The following DPP10 variants were observed in gnomAD, a reference collection of about 807,000 sequenced individuals.
DPP10 encodes dipeptidyl peptidase like 10.
In DPP10, 33 loss-of-function variants were observed where a neutral mutation model predicts 120.9. That is an observed-to-expected ratio of 0.27 (90% CI 0.21 to 0.37). The LOEUF (loss-of-function observed/expected upper bound fraction) is 0.37. Among genes scored for constraint, DPP10 ranks in the 10% least tolerant of loss-of-function variants. The probability of loss-of-function intolerance (pLI) is 1.00; values close to 1 mark genes in which losing one functional copy is unlikely to be tolerated. For missense variants in DPP10, 816 were observed against 942.8 expected (o/e 0.87, Z 1.76); for synonymous variants, 337 against 326.1 (o/e 1.03, Z -0.36).
At chr2:115,522,362 G>A (rs991037557) in intron 4 of DPP10, among the ~76,000 whole-genome samples, 2 of 152,152 alleles carry the variant, frequency 1.3e-5, no homozygotes, top group Admixed American at 6.5e-5. Context: ...AATATGGAAA[G>A]GGAAACATCC....
intron 1 of DPP10, among the ~76,000 whole-genome samples, chr2:115,001,078 C>G (rs938583554): frequency 6.6e-6 from 1 of 152,130 alleles, no homozygotes; most frequent in African/African-American, 2.4e-5. Flanking sequence ...TTGTTTTACT[C>G]TACCTGTAAC....
chr2:114,975,272 T>C (rs1699677534), intron 1 of DPP10, among the ~76,000 whole-genome samples: 1 of 151,972 alleles, frequency 6.6e-6, no homozygotes, highest in Non-Finnish European at 1.5e-5. Context: ...TCTCAATCTC[T>C]TGACCTCATG....
chr2:115,700,803 C>A (rs1463655379), intron 7 of DPP10, among the ~76,000 whole-genome samples: 1 of 151,846 alleles, frequency 6.6e-6, no homozygotes. Context: ...TAACTGTGGG[C>A]AATCTGAAAG....
At chr2:115,707,050 A>G (rs763237390) in intron 7 of DPP10, among the ~76,000 whole-genome samples, 1 of 152,018 alleles carries the variant, frequency 6.6e-6, no homozygotes, top group Non-Finnish European at 1.5e-5. Context: ...TCTCAACGGA[A>G]CATAGAGTAA....
At chr2:115,413,293 G>T (rs534888571) in intron 3 of DPP10, among the ~76,000 whole-genome samples, 343 of 152,278 alleles carry the variant, frequency 2.3e-3, no homozygotes, top group African/African-American at 7.7e-3. Flanking sequence ...TTCCTAAGGT[G>T]TTGAAACGTA....
chr2:115,424,141 T>G (rs920473635), intron 3 of DPP10, among the ~76,000 whole-genome samples: 1 of 152,084 alleles, frequency 6.6e-6, no homozygotes, highest in African/African-American at 2.4e-5. Flanking sequence ...GAAATACCCC[T>G]TACAAAGACA....
intron 3 of DPP10, among the ~76,000 whole-genome samples, chr2:115,487,283 C>T (rs1033527843): frequency 7.7e-6 from 1 of 129,652 alleles, no homozygotes; most frequent in African/African-American, 3.0e-5. Flanking sequence ...GAATCAATAT[C>T]GTGAAAATGG....
chr2:115,334,230 G>GGTTTTTTTTTTT (rs1553554643), intron 2 of DPP10, among the ~76,000 whole-genome samples: 2 of 56,412 alleles, frequency 3.5e-5, no homozygotes, highest in African/African-American at 9.8e-5. Context: ...AGCAGACTCT[G>GGTTTTTTTTTTT]TTTTTTTTTT....
intron 1 of DPP10, among the ~76,000 whole-genome samples, chr2:114,935,845 T>C (rs1696419375): frequency 6.7e-6 from 1 of 149,460 alleles, no homozygotes. Flanking sequence ...GGCTGCACAT[T>C]AAACTAAAAA....
In DPP10 at chr2:115,443,011, G is replaced by A. The variant is rs192320510; in HGVS notation, c.272-56499G>A. On this transcript the variant is annotated intron_variant, in intron 3 of 25. Transcript: ENST00000410059. ...ATTGGTCTATATTGCAAAACATTTT[G>A]CACATTTGTACTTTTTAAAGTTTCT... Among the ~76,000 whole-genome samples the A allele has an allele frequency of 9.2e-5, 14 of 152,186 alleles. No individual in the cohort carries two copies. The East Asian group carries it at 2.7e-3, about 29-fold the overall frequency.
chr2:115,548,080 A>G (rs2079623082), intron 5 of DPP10, among the ~76,000 whole-genome samples: 1 of 152,218 alleles, frequency 6.6e-6, no homozygotes, highest in Admixed American at 6.5e-5. Flanking sequence ...ACAAAATTAT[A>G]AGGCAAGCTC....
intron 4 of DPP10, among the ~76,000 whole-genome samples, chr2:115,513,194 C>A (rs1319360354): frequency 1.3e-5 from 2 of 151,752 alleles, no homozygotes; most frequent in Non-Finnish European, 1.5e-5. Context: ...GTTAGTGAAA[C>A]CATTCTATCC....
chr2:115,249,595 A>G (rs1356647063), intron 1 of DPP10, among the ~76,000 whole-genome samples: 1 of 152,186 alleles, frequency 6.6e-6, no homozygotes, highest in Non-Finnish European at 1.5e-5. Flanking sequence ...CTTTAAAACA[A>G]CTTGTTAAAT....
At chr2:114,836,319 C>T (rs1000219052) in intron 1 of DPP10, among the ~76,000 whole-genome samples, 14 of 152,052 alleles carry the variant, frequency 9.2e-5, no homozygotes, top group African/African-American at 3.1e-4. Context: ...CATGTAGGTT[C>T]TTTTCTGTTT....
chr2:115,609,481 C>G (rs2083941732), intron 5 of DPP10, among the ~76,000 whole-genome samples: 1 of 151,804 alleles, frequency 6.6e-6, no homozygotes, highest in Admixed American at 6.6e-5. Flanking sequence ...TTTAGCAGTC[C>G]CAGAGAGTAA....
intron 1 of DPP10, among the ~76,000 whole-genome samples, chr2:114,494,793 A>G (rs1682359345): frequency 6.6e-6 from 1 of 152,166 alleles, no homozygotes; most frequent in African/African-American, 2.4e-5. Flanking sequence ...AAGATAATGA[A>G]TATTTTTAGA....
At chr2:114,603,269 G>GA (rs1260750954) in intron 1 of DPP10, among the ~76,000 whole-genome samples, 7 of 151,868 alleles carry the variant, frequency 4.6e-5, no homozygotes, top group Middle Eastern at 3.4e-3. Flanking sequence ...ATTTTCATAC[G>GA]AAAAAAATGG....
intron 1 of DPP10, among the ~76,000 whole-genome samples, chr2:114,659,782 G>C (rs1253768716): frequency 2.6e-5 from 4 of 152,116 alleles, no homozygotes; most frequent in Non-Finnish European, 4.4e-5. Context: ...TAAATCCAAT[G>C]TCTAGTTTTG....
At chr2:115,596,410 A>G (rs573024251) in intron 5 of DPP10, among the ~76,000 whole-genome samples, 1 of 152,118 alleles carries the variant, frequency 6.6e-6, no homozygotes, top group South Asian at 2.1e-4. Flanking sequence ...TTTTTTCCTT[A>G]AGACAAGTAA....
Sources: gnomAD v4.1 joint callset for allele counts (sites outside exome capture counted in the v4.1 genomes callset) on GRCh38, gnomAD v4.1.1 for gene constraint, MANE v1.5 for transcripts, NCBI Gene and HGNC (gene_info 2026-07-23, HGNC 2026-07-21) for gene names.